Variants in NLGN1 observed in about 807,000 individuals in gnomAD.
NLGN1 encodes the protein neuroligin-1.
In NLGN1, 12 loss-of-function variants were observed where a neutral mutation model predicts 65.5. The ratio of observed to expected loss-of-function variants is 0.18; its 90% CI spans 0.12 to 0.30. The LOEUF (loss-of-function observed/expected upper bound fraction) is 0.30, where lower values mean the gene tolerates loss of function less well. Among genes scored for constraint, NLGN1 ranks in the 10% least tolerant of loss-of-function variants. The probability of loss-of-function intolerance (pLI) is 1.00; values close to 1 mark genes in which losing one functional copy is unlikely to be tolerated. For missense variants in NLGN1, 750 were observed against 1,007.1 expected (o/e 0.74, Z 3.46); for synonymous variants, 350 against 359.5 (o/e 0.97, Z 0.30).
At chr3:174,226,541 C>T (rs1739733135) in intron 4 of NLGN1, among the ~76,000 whole-genome samples, 1 of 152,072 alleles carries the variant, frequency 6.6e-6, no homozygotes, top group Non-Finnish European at 1.5e-5. Context: ...ATTGCTGCAA[C>T]GTTGGGGAAC....
chr3:174,110,973 G>A (rs1396589676), intron 4 of NLGN1, among the ~76,000 whole-genome samples: 1 of 151,928 alleles, frequency 6.6e-6, no homozygotes, highest in Non-Finnish European at 1.5e-5. Context: ...CCCAAAGTAA[G>A]TGTTGAGGAA....
chr3:173,626,561 G>T (rs766926512), intron 3 of NLGN1, among the ~76,000 whole-genome samples: 2 of 151,984 alleles, frequency 1.3e-5, no homozygotes, highest in Non-Finnish European at 2.9e-5. Context: ...TACATCAAGG[G>T]CTATTTTATA....
At chr3:173,700,558 C>T (rs1433603251) in intron 3 of NLGN1, among the ~76,000 whole-genome samples, 1 of 151,970 alleles carries the variant, frequency 6.6e-6, no homozygotes, top group Non-Finnish European at 1.5e-5. Flanking sequence ...GTTACATTTT[C>T]ATGGAGTCTG....
At chr3:173,554,459 T>C (rs1741399108) in intron 2 of NLGN1, among the ~76,000 whole-genome samples, 2 of 152,130 alleles carry the variant, frequency 1.3e-5, no homozygotes. Context: ...GTTCCTCCCA[T>C]TGTGCATTTT....
intron 4 of NLGN1, among the ~76,000 whole-genome samples, chr3:174,050,846 A>T (rs973526514): frequency 2.0e-4 from 30 of 152,038 alleles, no homozygotes; most frequent in African/African-American, 6.8e-4. Context: ...TGAGGACTAG[A>T]GGTATTTCTC....
At chr3:173,537,510 G>T (rs374585944) in intron 2 of NLGN1, among the ~76,000 whole-genome samples, 1 of 130,674 alleles carries the variant, frequency 7.7e-6, no homozygotes, top group Non-Finnish European at 1.7e-5. Context: ...GTGTGTGTTT[G>T]TGTGTGTGTA....
chr3:174,248,429 G>A (rs1291108811), intron 4 of NLGN1, among the ~76,000 whole-genome samples: 1 of 152,190 alleles, frequency 6.6e-6, no homozygotes, highest in African/African-American at 2.4e-5. Flanking sequence ...TGTAGAAAGT[G>A]TGCTAGGGAT....
intron 4 of NLGN1, among the ~76,000 whole-genome samples, chr3:173,866,013 A>G (rs1730092297): frequency 1.3e-5 from 2 of 152,206 alleles, no homozygotes; most frequent in South Asian, 2.1e-4. Context: ...CTACCTCGGC[A>G]GGGTTAGATC....
intron 4 of NLGN1, among the ~76,000 whole-genome samples, chr3:174,000,742 T>C (rs942590958): frequency 3.3e-5 from 5 of 152,160 alleles, no homozygotes; most frequent in African/African-American, 9.7e-5. Context: ...ATGAGGTTAG[T>C]TGAACTTAAG....
intron 4 of NLGN1, among the ~76,000 whole-genome samples, chr3:173,868,722 C>T (rs1365622818): frequency 6.6e-6 from 1 of 152,146 alleles, no homozygotes; most frequent in East Asian, 1.9e-4. Flanking sequence ...AAAATGTAGA[C>T]TTTACTGGGG....
At chr3:173,650,327 T>C (rs1028256125) in intron 3 of NLGN1, among the ~76,000 whole-genome samples, 2 of 152,192 alleles carry the variant, frequency 1.3e-5, no homozygotes, top group Admixed American at 1.3e-4. Context: ...TGCATAGATA[T>C]AGATAAATAT....
At chr3:173,591,574 C>G (rs1450313310) in intron 2 of NLGN1, among the ~76,000 whole-genome samples, 2 of 152,194 alleles carry the variant, frequency 1.3e-5, no homozygotes, top group East Asian at 3.9e-4. Context: ...ACTACCCACT[C>G]TCTGCTGATC....
At chr3:173,830,007 T>TGGGTGGGG in intron 4 of NLGN1, among the ~76,000 whole-genome samples, 1 of 128,656 alleles carries the variant, frequency 7.8e-6, no homozygotes. Context: ...GTGGGTAGTG[T>TGGGTGGGG]GGGGGGGGGA....
chr3:173,779,574 CTT>C (rs1243638660), intron 3 of NLGN1, among the ~76,000 whole-genome samples: 1 of 152,036 alleles, frequency 6.6e-6, no homozygotes, highest in East Asian at 1.9e-4. Flanking sequence ...TTGGCATGGT[CTT>C]TTTCTTTGGA....
At chr3:173,721,786 A>G (rs1002491127) in intron 3 of NLGN1, among the ~76,000 whole-genome samples, 10 of 152,206 alleles carry the variant, frequency 6.6e-5, no homozygotes, top group Non-Finnish European at 1.5e-4. Context: ...TAGTACAGCC[A>G]CTAGCACATG....
intron 4 of NLGN1, among the ~76,000 whole-genome samples, chr3:173,971,958 C>T (rs550486686): frequency 6.6e-6 from 1 of 151,988 alleles, no homozygotes; most frequent in South Asian, 2.1e-4. Context: ...GGGGAGTGGA[C>T]TCCAGGAAAC....
intron 3 of NLGN1, among the ~76,000 whole-genome samples, chr3:173,620,197 C>T (rs1017179361): frequency 2.6e-5 from 4 of 152,070 alleles, no homozygotes; most frequent in Admixed American, 1.3e-4. Context: ...ACTAGAAGTT[C>T]AGTACAACTT....
At chr3:174,275,621 C>G (rs562469581) in intron 5 of NLGN1, 94 bp downstream of exon 5, 126 of 756,016 alleles carry the variant, frequency 1.7e-4, no homozygotes, top group Middle Eastern at 1.2e-3. Context: ...TCTGTTCAAA[C>G]TGAGTGTTAG....
chr3:174,066,550 C>CTG (rs1418917292), intron 4 of NLGN1, among the ~76,000 whole-genome samples: 6 of 113,704 alleles, frequency 5.3e-5, no homozygotes, highest in African/African-American at 1.7e-4. Flanking sequence ...CTCTCTCTCT[C>CTG]TCTCTCTCTC....
Sources: gnomAD v4.1 joint callset for allele counts (sites outside exome capture counted in the v4.1 genomes callset) on GRCh38, gnomAD v4.1.1 for gene constraint, MANE v1.5 for transcripts, NCBI Gene and HGNC (gene_info 2026-07-23, HGNC 2026-07-21) for gene names.